The following NHSL2 variants were observed in gnomAD, a reference collection of about 807,000 sequenced individuals.
NHSL2 encodes NHS like 2, also known as NHS-like protein 2.
In NHSL2, 27 loss-of-function variants were observed where a neutral mutation model predicts 53.4. The observed-to-expected ratio is 0.51, with a 90% CI of 0.37 to 0.70. The LOEUF is 0.70. Among genes scored for constraint, NHSL2 ranks in the 30% least tolerant of loss-of-function variants. The pLI is 0.00. For synonymous variants in NHSL2, 408 were observed against 404.1 expected, an observed-to-expected ratio of 1.01 and a Z score of -0.12; for missense variants, 892 against 980.1, an observed-to-expected ratio of 0.91 and a Z score of 1.20.
chrX:72,106,095 G>C (rs940543960), intron 1 of NHSL2, among the ~76,000 whole-genome samples: 4 of 111,133 alleles, frequency 3.6e-5, no homozygotes, highest in African/African-American at 1.3e-4. Flanking sequence ...TGTAGTCCCA[G>C]CTACTCAGGA....
chrX:72,001,319 G>C (rs939081852), intron 1 of NHSL2, among the ~76,000 whole-genome samples: 1 of 111,594 alleles, frequency 9.0e-6, no homozygotes, highest in Non-Finnish European at 1.9e-5. Context: ...GCTGTGCTAC[G>C]GTTTACCCAT....
intron 1 of NHSL2, among the ~76,000 whole-genome samples, chrX:71,977,052 C>T (rs1203156338): frequency 2.7e-4 from 30 of 111,680 alleles, no homozygotes; most frequent in African/African-American, 9.1e-4. Context: ...TGCTTTGGGG[C>T]CAACAGGGTA....
chrX:71,946,315 A>G (rs2041792311), intron 1 of NHSL2, among the ~76,000 whole-genome samples: 1 of 112,440 alleles, frequency 8.9e-6, no homozygotes, highest in Non-Finnish European at 1.9e-5. Flanking sequence ...GGCAGAGGGC[A>G]TAGCCTGCCT....
At chrX:72,076,233 G>A (rs1167421351) in intron 1 of NHSL2, among the ~76,000 whole-genome samples, 4 of 111,093 alleles carry the variant, frequency 3.6e-5, no homozygotes, top group African/African-American at 1.3e-4. Flanking sequence ...GAGCCCAGCC[G>A]AACACAGTGT....
chrX:71,933,690 C>T (rs1169067131), intron 1 of NHSL2, among the ~76,000 whole-genome samples: 1 of 111,221 alleles, frequency 9.0e-6, no homozygotes, highest in East Asian at 2.8e-4. Flanking sequence ...CATGTAATAT[C>T]CTTGCCACAG....
intron 1 of NHSL2, among the ~76,000 whole-genome samples, chrX:71,997,470 C>T (rs1295844594): frequency 8.9e-6 from 1 of 112,375 alleles, no homozygotes; most frequent in South Asian, 3.7e-4. Flanking sequence ...AGTCTCTTTA[C>T]TGCCCCCATA....
At chrX:72,064,432 A>AT (rs750202883) in intron 1 of NHSL2, among the ~76,000 whole-genome samples, 2 of 112,013 alleles carry the variant, frequency 1.8e-5, no homozygotes, top group African/African-American at 3.3e-5. Flanking sequence ...TACTAGCTCC[A>AT]TTTTTTTATC....
chrX:72,074,069 G>T (rs933585803), intron 1 of NHSL2, among the ~76,000 whole-genome samples: 1 of 112,365 alleles, frequency 8.9e-6, no homozygotes, highest in African/African-American at 3.2e-5. Flanking sequence ...CCTAAACCAG[G>T]TTAGGCTGAG....
intron 1 of NHSL2, chrX:72,131,638 G>A (rs1416343793): frequency 4.5e-6 from 4 of 896,388 alleles, no homozygotes; most frequent in Admixed American, 3.8e-5. Flanking sequence ...CGGGGCTCGG[G>A]AGGGACCGAA....
intron 1 of NHSL2, among the ~76,000 whole-genome samples, chrX:71,989,241 C>G (rs1204339133): frequency 2.9e-5 from 3 of 103,744 alleles, no homozygotes. Flanking sequence ...GCCAGCTACT[C>G]GGGAGGCTGA....
chrX:72,021,636 T>C (rs1450296319), intron 1 of NHSL2, among the ~76,000 whole-genome samples: 1 of 111,833 alleles, frequency 8.9e-6, no homozygotes, highest in Admixed American at 9.4e-5. Flanking sequence ...GCCTGGGCTC[T>C]CCACGATATC....
At chrX:72,043,819 G>A (rs1019266910) in intron 1 of NHSL2, among the ~76,000 whole-genome samples, 4 of 111,746 alleles carry the variant, frequency 3.6e-5, no homozygotes, top group Non-Finnish European at 5.6e-5. Flanking sequence ...CAAGTTTTAG[G>A]TAGGCTATTT....
intron 1 of NHSL2, among the ~76,000 whole-genome samples, chrX:72,082,017 T>C (rs1291778220): frequency 8.9e-6 from 1 of 112,087 alleles, no homozygotes; most frequent in Admixed American, 9.4e-5. Context: ...GCATCGGCCC[T>C]AGAGCATCCA....
At chrX:72,025,203 AAAAAT>A (rs762442771) in intron 1 of NHSL2, among the ~76,000 whole-genome samples, 3 of 112,806 alleles carry the variant, frequency 2.7e-5, no homozygotes, top group African/African-American at 9.7e-5. Context: ...TTTGTCAATG[AAAAAT>A]AAAATAAAAC....
chrX:71,991,368 C>T (rs896539923), intron 1 of NHSL2, among the ~76,000 whole-genome samples: 5 of 112,245 alleles, frequency 4.5e-5, no homozygotes, highest in Non-Finnish European at 9.4e-5. Context: ...TCAACTCTGG[C>T]GTGGCTGGAA....
intron 1 of NHSL2, among the ~76,000 whole-genome samples, chrX:71,935,951 C>G (rs1416605878): frequency 8.9e-6 from 1 of 112,237 alleles, no homozygotes; most frequent in Admixed American, 9.4e-5. Flanking sequence ...GCCTATCTTC[C>G]TTCCCACCAC....
At chrX:72,110,218 A>AC (rs2042079775) in intron 1 of NHSL2, among the ~76,000 whole-genome samples, 1 of 110,858 alleles carries the variant, frequency 9.0e-6, no homozygotes, top group African/African-American at 3.3e-5. Context: ...CAGCACACAC[A>AC]CCCCCGCTCC....
At chrX:72,108,386 T>C (rs1355818193) in intron 1 of NHSL2, among the ~76,000 whole-genome samples, 1 of 112,672 alleles carries the variant, frequency 8.9e-6, no homozygotes, top group Non-Finnish European at 1.9e-5. Flanking sequence ...ATTCACTCAC[T>C]GCGTCATCAC....
intron 1 of NHSL2, among the ~76,000 whole-genome samples, chrX:71,936,377 C>T (rs1423890229): frequency 1.8e-5 from 2 of 112,187 alleles, no homozygotes; most frequent in Admixed American, 9.4e-5. Context: ...CTCTGAATCT[C>T]TAGGCATGTT....
Sources: gnomAD v4.1 joint callset for allele counts (sites outside exome capture counted in the v4.1 genomes callset) on GRCh38, gnomAD v4.1.1 for gene constraint, MANE v1.5 for transcripts, NCBI Gene and HGNC (gene_info 2026-07-23, HGNC 2026-07-21) for gene names.